ELL: variants seen among roughly 807,000 people sequenced by gnomAD.
ELL encodes elongation factor for RNA polymerase II, also known as RNA polymerase II elongation factor ELL.
Under a neutral mutation model 64.0 loss-of-function variants are expected in ELL, and 18 were observed. The observed-to-expected ratio is 0.28, with a 90% CI of 0.19 to 0.42. ELL has a LOEUF of 0.42. ELL is among the 10% of genes least tolerant of loss of function. ELL has a pLI of 1.00. For synonymous variants in ELL, 399 were observed against 376.2 expected, an observed-to-expected ratio of 1.06 and a Z score of -0.70; for missense variants, 797 against 870.4, an observed-to-expected ratio of 0.92 and a Z score of 1.06.
At chr19:18,521,828 C>A in intron 1 of ELL, 93 bp downstream of exon 1, 1 of 1,473,826 alleles carries the variant, frequency 6.8e-7, no homozygotes, top group South Asian at 1.3e-5. Context: ...ACAGACCTAG[C>A]GTCTCCGAGC....
intron 4 of ELL, among the ~76,000 whole-genome samples, chr19:18,463,021 T>C (rs1372877366): frequency 6.6e-6 from 1 of 152,168 alleles, no homozygotes; most frequent in Non-Finnish European, 1.5e-5. Context: ...TCCTGAACAA[T>C]GATGCCCCGG....
intron 1 of ELL, among the ~76,000 whole-genome samples, chr19:18,509,954 T>TCAG (rs1863635096): frequency 6.6e-6 from 1 of 152,204 alleles, no homozygotes; most frequent in African/African-American, 2.4e-5. Context: ...TCTGAGCTCT[T>TCAG]TGCCTGAGAA....
chr19:18,490,486 C>G (rs1975505254), intron 1 of ELL, among the ~76,000 whole-genome samples: 1 of 152,242 alleles, frequency 6.6e-6, no homozygotes, highest in African/African-American at 2.4e-5. Flanking sequence ...CAGTGGCACA[C>G]TGCACTCAGC....
intron 2 of ELL, among the ~76,000 whole-genome samples, chr19:18,467,322 G>C (rs1175454228): frequency 1.3e-5 from 2 of 152,042 alleles, no homozygotes; most frequent in East Asian, 3.9e-4. Context: ...CCATCTGCTG[G>C]GGTCTGCCCA....
rs531313711 is a variant in ELL, at chr19:18,457,788, G to A, written c.869+417C>T. The stretch of plus-strand genomic sequence containing the variant: ...TGACGCCTGCCCTGCCGGGAGTGTC[G>A]TTTGGCCTTATTTCTCTCTACTTCA... On this transcript the variant is annotated intron_variant, in intron 6 of 11. Coordinates refer to ENST00000262809, the MANE Select transcript of ELL (RefSeq NM_006532.4). Among the ~76,000 whole-genome samples the A allele has an allele frequency of 9.2e-5, 14 of 152,264 alleles. No homozygotes were observed. The East Asian group carries it at 2.1e-3, about 23-fold the overall frequency.
chr19:18,461,466 G>A, intron 5 of ELL, 112 bp downstream of exon 5: 1 of 1,484,016 alleles, frequency 6.7e-7, no homozygotes, highest in Non-Finnish European at 9.0e-7. Flanking sequence ...ACCCCAGGAA[G>A]GGCTCTTCCT....
chr19:18,464,474 C>T (rs1032084061), intron 4 of ELL, among the ~76,000 whole-genome samples: 7 of 135,774 alleles, frequency 5.2e-5, no homozygotes, highest in Admixed American at 4.2e-4. Context: ...CATGGACAAC[C>T]CGGGCTCCCT....
chr19:18,511,587 ACAT>A (rs1165206097), intron 1 of ELL, among the ~76,000 whole-genome samples: 1 of 152,174 alleles, frequency 6.6e-6, no homozygotes, highest in Non-Finnish European at 1.5e-5. Context: ...ACACCACAGG[ACAT>A]CAGTCTGGTT....
intron 1 of ELL, among the ~76,000 whole-genome samples, chr19:18,499,753 G>T (rs927400103): frequency 6.6e-5 from 10 of 152,162 alleles, no homozygotes; most frequent in African/African-American, 2.4e-4. Flanking sequence ...GAGGGGCACA[G>T]GGGACAAGGG....
At chr19:18,465,285 G>C in intron 4 of ELL, 127 bp downstream of exon 4, 2 of 1,329,178 alleles carry the variant, frequency 1.5e-6, no homozygotes, top group African/African-American at 3.0e-5. Flanking sequence ...CTCAGGGACC[G>C]ACTCCTCGGT....
chr19:18,480,419 G>C (rs1196532331), intron 1 of ELL, among the ~76,000 whole-genome samples: 2 of 152,186 alleles, frequency 1.3e-5, no homozygotes, highest in Admixed American at 1.3e-4. Flanking sequence ...TAGGGAACTT[G>C]GACAGACACA....
chr19:18,453,247 C>T (rs1353951584), intron 6 of ELL, among the ~76,000 whole-genome samples: 6 of 152,246 alleles, frequency 3.9e-5, no homozygotes, highest in Non-Finnish European at 7.3e-5. Flanking sequence ...GCACTCCAGT[C>T]TGGGCAACAA....
intron 1 of ELL, among the ~76,000 whole-genome samples, chr19:18,515,041 G>A (rs1976100581): frequency 6.6e-6 from 1 of 152,216 alleles, no homozygotes; most frequent in South Asian, 2.1e-4. Context: ...TACGGCCTTG[G>A]CCGTGAGTCA....
chr19:18,477,355 C>T (rs554193169), intron 1 of ELL, among the ~76,000 whole-genome samples: 8 of 152,252 alleles, frequency 5.3e-5, no homozygotes, highest in African/African-American at 9.6e-5. Flanking sequence ...CGGTGACCTG[C>T]GGACGACAGC....
intron 6 of ELL, among the ~76,000 whole-genome samples, chr19:18,452,208 G>T (rs1222635496): frequency 2.0e-5 from 3 of 152,116 alleles, no homozygotes; most frequent in Non-Finnish European, 4.4e-5. Flanking sequence ...CAGCAACCCT[G>T]CAGCTTATGG....
At chr19:18,484,281 T>G (rs1024827779) in intron 1 of ELL, among the ~76,000 whole-genome samples, 1 of 152,122 alleles carries the variant, frequency 6.6e-6, no homozygotes, top group African/African-American at 2.4e-5. Flanking sequence ...CTGGCCAACG[T>G]GGTGAAACCC....
intron 1 of ELL, among the ~76,000 whole-genome samples, chr19:18,486,130 A>C (rs1600477084): frequency 6.6e-6 from 1 of 152,246 alleles, no homozygotes; most frequent in East Asian, 1.9e-4. Context: ...CAAGCCCCAC[A>C]GCACAAACAC....
intron 1 of ELL, among the ~76,000 whole-genome samples, chr19:18,498,442 C>T (rs1052860942): frequency 6.6e-6 from 1 of 152,192 alleles, no homozygotes; most frequent in Non-Finnish European, 1.5e-5. Flanking sequence ...ACAAAACTGT[C>T]TTTCTGATGC....
chr19:18,447,035 G>A (rs1027857778), intron 8 of ELL, among the ~76,000 whole-genome samples: 2 of 152,218 alleles, frequency 1.3e-5, no homozygotes, highest in African/African-American at 4.8e-5. Flanking sequence ...GTGGTGAGCA[G>A]AGCTCAGCGT....
Sources: gnomAD v4.1 joint callset for allele counts (sites outside exome capture counted in the v4.1 genomes callset) on GRCh38, gnomAD v4.1.1 for gene constraint, MANE v1.5 for transcripts, NCBI Gene and HGNC (gene_info 2026-07-23, HGNC 2026-07-21) for gene names.